CD109: variants seen among roughly 807,000 people sequenced by gnomAD.
CD109 encodes CD109 antigen.
A neutral mutation model predicts 165.8 loss-of-function variants in CD109; 149 were observed. The ratio of observed to expected loss-of-function variants is 0.90; its 90% CI spans 0.79 to 1.03. The LOEUF (loss-of-function observed/expected upper bound fraction) is 1.03. Among genes scored for constraint, CD109 ranks in the 50% least tolerant of loss-of-function variants. The probability of loss-of-function intolerance (pLI) is 0.00; values close to 1 mark genes in which losing one functional copy is unlikely to be tolerated. For missense variants in CD109, 1,712 were observed against 1,677.8 expected (o/e 1.02, Z -0.36); for synonymous variants, 585 against 592.1 (o/e 0.99, Z 0.18).
At chr6:73,696,034 G>C (rs1316150557), upstream of CD109, 2 of 593,904 alleles carry the variant, frequency 3.4e-6, no homozygotes, top group African/African-American at 1.9e-5. Context: ...GGATGGGAGG[G>C]GTGGAGCCTC....
At chr6:73,762,032 G>A (rs568337343) in intron 7 of CD109, among the ~76,000 whole-genome samples, 4 of 151,684 alleles carry the variant, frequency 2.6e-5, no homozygotes, top group Admixed American at 6.6e-5. Context: ...ATGCGATCTC[G>A]GCTCACTGCA....
intron 23 of CD109, among the ~76,000 whole-genome samples, chr6:73,793,743 C>T (rs986133942): frequency 2.0e-5 from 3 of 152,144 alleles, no homozygotes; most frequent in Non-Finnish European, 4.4e-5. Context: ...TTTTGTATTT[C>T]CTTATTAGTG....
At chr6:73,818,616 T>C in intron 31 of CD109, 81 bp downstream of exon 31, 1 of 1,315,988 alleles carries the variant, frequency 7.6e-7, no homozygotes, top group Non-Finnish European at 1.1e-6. Flanking sequence ...TAAGTATGTT[T>C]TCTTTAATTC....
In CD109 at chr6:73,811,051, G is replaced by A. The variant is rs1158575268; in HGVS notation, c.3606G>A (p.Arg1202=). Reference sequence around the variant, plus strand: ...TTGCAGCCCTAATGAATACAGAAAGGACAAATATCCAAGTGACCGTGACGG... The same window carrying A: ...TTGCAGCCCTAATGAATACAGAAAGAACAAATATCCAAGTGACCGTGACGG... The part of the protein sequence containing the change: ...SEFAALMNTE[R]TNIQVTVTGP... Residue 1202 remains arginine (R), a synonymous_variant, in exon 28 of 33, where the codon AGG becomes AGA. Transcript: ENST00000287097. The A allele has an allele frequency of 6.2e-7, 1 of 1,613,312 alleles. No individual in the cohort carries two copies. Among genetic ancestry groups the A allele is most frequent in the African/African-American group, 1.3e-5 (1 of 74,852 alleles).
chr6:73,720,057 G>C (rs112392036), intron 2 of CD109, among the ~76,000 whole-genome samples: 34 of 152,276 alleles, frequency 2.2e-4, no homozygotes, highest in African/African-American at 7.5e-4. Flanking sequence ...ATCCACTGCA[G>C]CATTATTCCC....
At chr6:73,797,525 T>C (rs1775205188) in intron 23 of CD109, among the ~76,000 whole-genome samples, 2 of 152,198 alleles carry the variant, frequency 1.3e-5, no homozygotes, top group Admixed American at 1.3e-4. Context: ...TTCCATTTCA[T>C]GTCATAGAAA....
chr6:73,685,827 G>A, the CD109 span, among the ~76,000 whole-genome samples: 1 of 152,106 alleles, frequency 6.6e-6, no homozygotes, highest in African/African-American at 2.4e-5. Context: ...AGTTACATCA[G>A]GTTTCTGAAA....
chr6:73,722,871 G>T (rs1772010943), intron 2 of CD109, among the ~76,000 whole-genome samples: 1 of 152,016 alleles, frequency 6.6e-6, no homozygotes, highest in African/African-American at 2.4e-5. Context: ...TTATCACGAG[G>T]GTATGAGGAC....
At chr6:73,688,165 T>C in the CD109 span, among the ~76,000 whole-genome samples, 1 of 146,706 alleles carries the variant, frequency 6.8e-6, no homozygotes, top group Admixed American at 7.0e-5. Flanking sequence ...CTGGTAGATT[T>C]TTTTTGGAAA....
chr6:73,688,761 GTTTTTTTTTTTT>G, the CD109 span, among the ~76,000 whole-genome samples: 1,080 of 73,542 alleles, frequency 0.015, 19 homozygotes, highest in Middle Eastern at 0.031. Context: ...GTTTTTCTTT[GTTTTTTTTTTTT>G]TTTTTTTTTT....
At chr6:73,683,691 CA>C in the CD109 span, among the ~76,000 whole-genome samples, 105 of 152,178 alleles carry the variant, frequency 6.9e-4, no homozygotes, top group African/African-American at 2.4e-3. Context: ...GGGCAATTTA[CA>C]AAAGAAAGAG....
the CD109 span, among the ~76,000 whole-genome samples, chr6:73,685,318 C>A: frequency 1.3e-3 from 195 of 152,080 alleles, 1 homozygote; most frequent in Admixed American, 4.2e-3. Flanking sequence ...ATATTTTCTC[C>A]TATTCAATAG....
intron 29 of CD109, among the ~76,000 whole-genome samples, chr6:73,813,155 G>A (rs1775810376): frequency 6.6e-6 from 1 of 151,874 alleles, no homozygotes; most frequent in South Asian, 2.1e-4. Flanking sequence ...AAAACTAAAG[G>A]AAAAATGATC....
chr6:73,700,773 A>G (rs1170585054), intron 2 of CD109, among the ~76,000 whole-genome samples: 2 of 82,904 alleles, frequency 2.4e-5, no homozygotes, highest in African/African-American at 9.5e-5. Flanking sequence ...TTCTACATTT[A>G]TTGGGGATTG....
intron 1 of CD109, among the ~76,000 whole-genome samples, chr6:73,696,522 C>A (rs1277515089): frequency 6.6e-6 from 1 of 152,252 alleles, no homozygotes; most frequent in East Asian, 1.9e-4. Context: ...TTAAGCGTCT[C>A]CCCGGCCATA....
chr6:73,751,764 C>G (rs892369392), intron 5 of CD109, among the ~76,000 whole-genome samples: 1 of 152,214 alleles, frequency 6.6e-6, no homozygotes, highest in African/African-American at 2.4e-5. Flanking sequence ...GCAACTCTAC[C>G]TGATGCCCCA....
chr6:73,811,290 TGGC>T, intron 28 of CD109, 143 bp downstream of exon 28: 1 of 982,506 alleles, frequency 1.0e-6, no homozygotes, highest in Admixed American at 3.2e-5. Flanking sequence ...TGCCCTTCTT[TGGC>T]TGAATTTGCT....
intron 5 of CD109, among the ~76,000 whole-genome samples, chr6:73,751,679 G>T (rs535886875): frequency 6.6e-6 from 1 of 152,254 alleles, no homozygotes; most frequent in South Asian, 2.1e-4. Flanking sequence ...GCTTGAGGAT[G>T]CTCCCAGGGA....
Position 73,781,436 on chromosome 6 carries a change from T to C in CD109, c.1963+117T>C, listed in dbSNP as rs1367162231. 8.3e-6 allele frequency: 7 copies of C among 839,314 alleles called. No homozygotes were observed. In the East Asian group the frequency reaches 1.9e-4, roughly 22 times the overall value. 52.0% of individuals were successfully genotyped at this position (839,314 alleles called of 1,614,324 possible). On this transcript the variant is annotated intron_variant, in intron 17 of 32. Transcript: ENST00000287097. ...GAGATTGTGATTTTCATTTTTTTGTTCTCTTCTCCCAAAATGTTTGGAGTT... is the reference window on the plus strand; with the variant it reads ...GAGATTGTGATTTTCATTTTTTTGTCCTCTTCTCCCAAAATGTTTGGAGTT...
Sources: allele counts gnomAD v4.1 joint callset (sites outside exome capture counted in the v4.1 genomes callset), GRCh38; gene constraint gnomAD v4.1.1; transcripts MANE v1.5; gene names NCBI Gene and HGNC (gene_info 2026-07-23, HGNC 2026-07-21).